Variants in TTC23 observed in about 807,000 individuals in gnomAD.
TTC23 encodes the protein tetratricopeptide repeat domain 23, also known as tetratricopeptide repeat protein 23.
In TTC23, 58 loss-of-function variants were observed where a neutral mutation model predicts 55.1. The ratio of observed to expected loss-of-function variants is 1.05; its 90% CI spans 0.85 to 1.31. The LOEUF is 1.31. Among genes scored for constraint, TTC23 ranks in the 50% most tolerant of loss-of-function variants. The pLI, the probability that TTC23 is intolerant of heterozygous loss-of-function variation, is 0.00. For missense variants in TTC23, 516 were observed against 534.4 expected (o/e 0.97, Z 0.34); for synonymous variants, 203 against 199.9 (o/e 1.02, Z -0.13).
intron 10 of TTC23, among the ~76,000 whole-genome samples, chr15:99,163,466 C>A (rs1394378689): frequency 6.6e-6 from 1 of 152,208 alleles, no homozygotes; most frequent in Non-Finnish European, 1.5e-5. Context: ...AGCTGGCCAA[C>A]AATGCAATTT....
chr15:99,149,038 AG>A (rs2069345102), intron 12 of TTC23, among the ~76,000 whole-genome samples: 1 of 152,186 alleles, frequency 6.6e-6, no homozygotes, highest in South Asian at 2.1e-4. Context: ...TTGAAAACTT[AG>A]GGGAGGCAGC....
intron 9 of TTC23, among the ~76,000 whole-genome samples, chr15:99,196,635 C>A (rs545034000): frequency 6.6e-6 from 1 of 152,162 alleles, no homozygotes; most frequent in Non-Finnish European, 1.5e-5. Context: ...TCTGTCCATG[C>A]TTCTCCATTT....
upstream of TTC23, chr15:99,249,831 C>G (rs2080569940): frequency 6.6e-6 from 1 of 152,116 alleles, no homozygotes. Context: ...CGAATTGATT[C>G]TCTACAAATT....
chr15:99,176,598 G>A (rs770043739), intron 9 of TTC23, among the ~76,000 whole-genome samples: 16 of 152,132 alleles, frequency 1.1e-4, no homozygotes, highest in Non-Finnish European at 1.9e-4. Flanking sequence ...GGGTGACAGA[G>A]CAAGACCCTG....
At chr15:99,138,438 C>T (rs1410697875) in intron 13 of TTC23, among the ~76,000 whole-genome samples, 3 of 152,040 alleles carry the variant, frequency 2.0e-5, no homozygotes, top group Non-Finnish European at 4.4e-5. Context: ...CTCAGTCTCC[C>T]GAGTAGCCAG....
chr15:99,231,787 T>C (rs2078957601), intron 4 of TTC23, among the ~76,000 whole-genome samples: 1 of 151,948 alleles, frequency 6.6e-6, no homozygotes, highest in Admixed American at 6.6e-5. Flanking sequence ...CCACTGCGCC[T>C]GGCCTGTTTG....
intron 12 of TTC23, among the ~76,000 whole-genome samples, chr15:99,143,565 C>A (rs1284711497): frequency 1.3e-5 from 2 of 152,204 alleles, no homozygotes; most frequent in East Asian, 3.8e-4. Flanking sequence ...AGGGGTGTTT[C>A]TCACTTTTCT....
chr15:99,146,489 C>T, intron 12 of TTC23, among the ~76,000 whole-genome samples: 1 of 152,372 alleles, frequency 6.6e-6, no homozygotes, highest in South Asian at 2.1e-4. Context: ...GCTTTTCCCT[C>T]CATCCCTGGC....
In TTC23 at chr15:99,136,928, A is replaced by T. The variant is rs1252967116; in HGVS notation, c.*1082T>A. 6.6e-6 allele frequency: 1 copy of T among 152,176 alleles called. No individual in the cohort carries two copies. The highest frequency in any genetic ancestry group is 1.9e-4 in the East Asian group (1 of 5,188). 9.4% of individuals were successfully genotyped at this position (152,176 alleles called of 1,614,324 possible). ...TACTGAGTTTATTTTCCCCATCAAT[A>T]CTGGAGGTGGTGCCCTGCACAAATG... On this transcript the variant is annotated 3_prime_UTR_variant, in exon 14 of 14. Transcript: ENST00000394132.
At chr15:99,184,710 G>C (rs912928433) in intron 9 of TTC23, among the ~76,000 whole-genome samples, 1 of 152,076 alleles carries the variant, frequency 6.6e-6, no homozygotes, top group Non-Finnish European at 1.5e-5. Context: ...TTGGACTTTT[G>C]GGTTAACGTT....
chr15:99,204,632 G>GTTTTTTTTTTTTTTTTTTTTTTTTTT (rs56890685), intron 8 of TTC23, among the ~76,000 whole-genome samples: 2 of 60,892 alleles, frequency 3.3e-5, no homozygotes, highest in Admixed American at 2.7e-4. Context: ...TAGATTTAAG[G>GTTTTTTTTTTTTTTTTTTTTTTTTTT]TTTTTTTTTT....
intron 12 of TTC23, 118 bp from the exon 13 acceptor site, chr15:99,139,517 T>C (rs1555489135): frequency 6.4e-7 from 1 of 1,555,302 alleles, no homozygotes; most frequent in African/African-American, 1.4e-5. Context: ...TGTGATGGAA[T>C]TAGCATGCTC....
intron 9 of TTC23, among the ~76,000 whole-genome samples, chr15:99,187,152 C>T (rs948531767): frequency 6.6e-6 from 1 of 151,782 alleles, no homozygotes; most frequent in Admixed American, 6.6e-5. Context: ...TAGAAATAAA[C>T]CCTTATATTT....
intron 9 of TTC23, among the ~76,000 whole-genome samples, chr15:99,176,255 C>G (rs2073538418): frequency 6.6e-6 from 1 of 152,122 alleles, no homozygotes; most frequent in African/African-American, 2.4e-5. Flanking sequence ...AGATAATACA[C>G]TAATGTGAGT....
chr15:99,212,299 TGTGCAATG>T (rs1314904178), intron 8 of TTC23, among the ~76,000 whole-genome samples: 32 of 151,936 alleles, frequency 2.1e-4, no homozygotes, highest in African/African-American at 7.5e-4. Context: ...TGTGCATGCA[TGTGCAATG>T]GCATATGCCT....
chr15:99,182,248 T>TCTCACACACACACACA (rs1286172224), intron 9 of TTC23, among the ~76,000 whole-genome samples: 1 of 108,606 alleles, frequency 9.2e-6, no homozygotes, highest in Non-Finnish European at 1.8e-5. Context: ...TCTCTCTCTC[T>TCTCACACACACACACA]CACACACACA....
chr15:99,189,796 G>A (rs1455461820), intron 9 of TTC23, among the ~76,000 whole-genome samples: 1 of 152,150 alleles, frequency 6.6e-6, no homozygotes, highest in East Asian at 1.9e-4. Context: ...ACATGATCCT[G>A]GAGTGGATCT....
Position 99,175,144 on chromosome 15 carries a change from GATA to G in TTC23, c.768_770del (p.Ile258del), listed in dbSNP as rs754483090. The G allele has an allele frequency of 1.1e-4, 177 of 1,613,958 alleles. 1 individual carries two copies. The Middle Eastern group carries it at 4.5e-3, about 41-fold the overall frequency. On this transcript the variant is annotated inframe_deletion, in exon 10 of 14. Transcript: ENST00000394132. ...CTTGAGAGGGGCTTCTACTCAGGAT[GATA>G]AGATGTGCCTGTCACCACAGAAAGA...
At chr15:99,171,485 G>A (rs1161853332) in intron 10 of TTC23, among the ~76,000 whole-genome samples, 1 of 151,520 alleles carries the variant, frequency 6.6e-6, no homozygotes, top group Non-Finnish European at 1.5e-5. Flanking sequence ...CTGTATACAA[G>A]AGGTGCCCAA....
Sources: gnomAD v4.1 joint callset for allele counts (sites outside exome capture counted in the v4.1 genomes callset) on GRCh38, gnomAD v4.1.1 for gene constraint, MANE v1.5 for transcripts, NCBI Gene and HGNC (gene_info 2026-07-23, HGNC 2026-07-21) for gene names.